Variants in EYA3 observed in about 807,000 individuals in gnomAD.
EYA3 encodes the protein EYA transcriptional coactivator and phosphatase 3, also known as protein phosphatase EYA3.
In EYA3, 39 loss-of-function variants were observed where a neutral mutation model predicts 80.0. The ratio of observed to expected loss-of-function variants is 0.49; its 90% confidence interval spans 0.38 to 0.64. The LOEUF (loss-of-function observed/expected upper bound fraction) is 0.64. Ranked by LOEUF, EYA3 falls within the 30% of genes least tolerant of loss-of-function variation. The pLI is 0.00. For synonymous variants in EYA3, 206 were observed against 232.8 expected (o/e 0.88, Z 1.05); for missense variants, 523 against 676.1 (o/e 0.77, Z 2.51).
At chr1:28,073,103 T>TTCTCTCTCTC (rs1447435853) in intron 1 of EYA3, among the ~76,000 whole-genome samples, 1 of 37,762 alleles carries the variant, frequency 2.6e-5, no homozygotes, top group Non-Finnish European at 4.3e-5. Flanking sequence ...GATGAAACTA[T>TTCTCTCTCTC]TATATATATA....
chr1:28,078,781 A>G (rs1645315667), intron 1 of EYA3, among the ~76,000 whole-genome samples: 1 of 152,218 alleles, frequency 6.6e-6, no homozygotes, highest in Admixed American at 6.5e-5. Flanking sequence ...ACCATTTTAC[A>G]GATGAGAAAA....
chr1:28,064,932 G>T (rs1241621736), intron 1 of EYA3, among the ~76,000 whole-genome samples: 1 of 152,216 alleles, frequency 6.6e-6, no homozygotes, highest in Non-Finnish European at 1.5e-5. Flanking sequence ...CAATAATGTT[G>T]CAGGTTGAAG....
chr1:28,061,500 C>A (rs1385099501), intron 1 of EYA3, among the ~76,000 whole-genome samples: 3 of 151,358 alleles, frequency 2.0e-5, no homozygotes, highest in African/African-American at 7.3e-5. Context: ...AACTAAGACA[C>A]AATATTGCAA....
intron 1 of EYA3, among the ~76,000 whole-genome samples, chr1:28,075,482 C>G (rs1345999344): frequency 1.3e-5 from 2 of 152,152 alleles, no homozygotes; most frequent in Non-Finnish European, 2.9e-5. Context: ...TTTCAAGGAA[C>G]TACTAGCTAG....
rs1374149267 is a variant in EYA3, at chr1:27,978,268, A to G, written c.1641+106T>C. On this transcript the variant is annotated intron_variant, in intron 17 of 17. Coordinates refer to ENST00000373871, the MANE Select transcript of EYA3 (RefSeq NM_001990.4). ...AGAAAAATGGGAGAGGAAGAAAGAG[A>G]AAATATTATAAATGCATAATAGATT... 1.2e-5 allele frequency: 9 copies of G among 748,012 alleles called. No individual in the cohort carries two copies. In the South Asian group the frequency reaches 1.4e-4, roughly 12 times the overall value. The allele number at this position is 748,012 out of a possible 1,614,324, so 46.3% of individuals were successfully genotyped here. A position where few individuals can be genotyped will look rare whatever the true frequency, so the allele number is the denominator to read the frequency against.
rs767052195 is a variant in EYA3 at position 28,011,108 on chromosome 1, T to C, written c.770-22A>G. ...TCTCCTGGAAAGAAAAAGTGAAACA[T>C]ATGTTGTCAGGAGTCACAGGCTATA... On this transcript the variant is annotated intron_variant, in intron 9 of 17. Coordinates refer to ENST00000373871, the MANE Select transcript of EYA3 (RefSeq NM_001990.4). The C allele has an allele frequency of 4.0e-5, 65 of 1,608,122 alleles. 1 individual carries two copies. The East Asian group carries it at 6.7e-4, about 17-fold the overall frequency.
chr1:27,989,633 T>C (rs2148725127), intron 15 of EYA3, 64 bp downstream of exon 15: 2 of 1,069,590 alleles, frequency 1.9e-6, no homozygotes, highest in Non-Finnish European at 2.8e-6. Flanking sequence ...GAATGGCTTA[T>C]CCTGAACTGG....
chr1:28,024,763 G>T (rs941690470), intron 7 of EYA3, among the ~76,000 whole-genome samples: 1 of 152,010 alleles, frequency 6.6e-6, no homozygotes, highest in Admixed American at 6.6e-5. Context: ...AATGACCAAA[G>T]ATAGGGCCAC....
intron 11 of EYA3, among the ~76,000 whole-genome samples, chr1:28,001,758 T>G (rs1640866581): frequency 1.5e-5 from 2 of 132,600 alleles, no homozygotes; most frequent in Admixed American, 7.4e-5. Flanking sequence ...AAAAAAAAAG[T>G]CTCGCTCTGT....
intron 9 of EYA3, among the ~76,000 whole-genome samples, 176 bp downstream of exon 9, chr1:28,012,935 T>C (rs905015883): frequency 3.9e-5 from 6 of 152,210 alleles, no homozygotes; most frequent in Non-Finnish European, 8.8e-5. Flanking sequence ...GCATCAGGTA[T>C]ACATTCAGCC....
intron 1 of EYA3, among the ~76,000 whole-genome samples, chr1:28,080,034 TA>T (rs919888853): frequency 7.2e-5 from 11 of 152,112 alleles, no homozygotes; most frequent in African/African-American, 2.4e-4. Flanking sequence ...CTACGGAAAC[TA>T]AAGAAAAAAT....
intron 13 of EYA3, among the ~76,000 whole-genome samples, chr1:27,995,552 CA>C (rs2148742559): frequency 6.7e-6 from 1 of 149,560 alleles, no homozygotes; most frequent in African/African-American, 2.5e-5. Flanking sequence ...GTGTGGGCAA[CA>C]TGGCACTCTT....
At chr1:28,025,797 G>T (rs1025605663) in intron 7 of EYA3, among the ~76,000 whole-genome samples, 1 of 152,048 alleles carries the variant, frequency 6.6e-6, no homozygotes, top group Admixed American at 6.6e-5. Context: ...TCTCACTCTT[G>T]TTGCTCAGGC....
In EYA3 at chr1:28,007,624, G is replaced by A. The variant is rs532201251; in HGVS notation, c.910-3205C>T. ...CTGGGATTACAGACTGAGCCACTGC[G>A]CCCGGCCAATCAGCTGTATTTCTAT... is the stretch of plus-strand genomic sequence containing the variant. On this transcript the variant is annotated intron_variant, in intron 10 of 17. Coordinates refer to ENST00000373871, the MANE Select transcript of EYA3 (RefSeq NM_001990.4). 2.6e-5 allele frequency among the ~76,000 whole-genome samples: 4 copies of A among 152,034 alleles called. No homozygotes were observed. In the East Asian group the frequency reaches 7.7e-4, roughly 29 times the overall value.
At chr1:28,084,745 A>C (rs920869180) in intron 1 of EYA3, among the ~76,000 whole-genome samples, 25 of 150,328 alleles carry the variant, frequency 1.7e-4, no homozygotes, top group African/African-American at 6.1e-4. Context: ...AGTAGCTGGG[A>C]CTACAGGCAT....
chr1:28,051,263 A>G (rs1252265976), intron 2 of EYA3, among the ~76,000 whole-genome samples: 2 of 152,202 alleles, frequency 1.3e-5, no homozygotes, highest in Admixed American at 1.3e-4. Flanking sequence ...TAGAACTGAT[A>G]AACAAGTTCA....
chr1:28,042,778 T>C, intron 3 of EYA3, 128 bp from the exon 4 acceptor site: 1 of 699,910 alleles, frequency 1.4e-6, no homozygotes. Context: ...GTGATATCCT[T>C]ATTGTTGATT....
At chr1:28,039,245 T>A (rs1187078124) in intron 4 of EYA3, among the ~76,000 whole-genome samples, 1 of 152,224 alleles carries the variant, frequency 6.6e-6, no homozygotes. Context: ...GCAAGCTTTA[T>A]GTCTGGAAAA....
intron 1 of EYA3, among the ~76,000 whole-genome samples, chr1:28,075,580 G>A (rs1028247258): frequency 6.6e-6 from 1 of 152,130 alleles, no homozygotes; most frequent in African/African-American, 2.4e-5. Flanking sequence ...ACCATGATTG[G>A]AGGCTGTTGG....
Sources: allele counts gnomAD v4.1 joint callset (sites outside exome capture counted in the v4.1 genomes callset), GRCh38; gene constraint gnomAD v4.1.1; transcripts MANE v1.5; gene names NCBI Gene and HGNC (gene_info 2026-07-23, HGNC 2026-07-21).